OSBPL3: variants seen among roughly 807,000 people sequenced by gnomAD.
The protein encoded by OSBPL3 is oxysterol binding protein like 3.
Under a neutral mutation model 120.1 loss-of-function variants are expected in OSBPL3, and 65 were observed. The ratio of observed to expected loss-of-function variants is 0.54; its 90% CI spans 0.44 to 0.67. OSBPL3 has a LOEUF of 0.67. Among genes scored for constraint, OSBPL3 ranks in the 30% least tolerant of loss-of-function variants. The pLI, the probability that OSBPL3 is intolerant of heterozygous loss-of-function variation, is 0.00. For missense variants in OSBPL3, 1,004 were observed against 1,082.1 expected, an observed-to-expected ratio of 0.93 and a Z score of 1.01; for synonymous variants, 416 against 402.6, an observed-to-expected ratio of 1.03 and a Z score of -0.40.
At position 24,922,246 on chromosome 7, in the gene OSBPL3, A is replaced by T. The variant is rs1810479374; in HGVS notation, c.-149-29625T>A. On this transcript the variant is annotated intron_variant, in intron 1 of 22. Coordinates refer to ENST00000313367, the MANE Select transcript of OSBPL3 (RefSeq NM_015550.4). This position sits in a 1 kb window ranked among gnomAD's most constrained non-coding sequence, Gnocchi z 4.3. ...AAACTACAAGCACTGTACTATCTGG[A>T]CTGTGTTACAAAAAGTCCTAGAAGG... 6.6e-6 allele frequency among the ~76,000 whole-genome samples: 1 copy of T among 152,220 alleles called. No individual in the cohort carries two copies. The highest frequency in any genetic ancestry group is 2.4e-5 in the African/African-American group (1 of 41,462).
At chr7:24,861,468 G>C in intron 10 of OSBPL3, 145 bp downstream of exon 10, 1 of 534,812 alleles carries the variant, frequency 1.9e-6, no homozygotes, top group Admixed American at 3.0e-5. Context: ...CACTACTAGG[G>C]AAATAAAATA....
In OSBPL3 at chr7:24,870,519, G is replaced by A. The variant is rs148753127; in HGVS notation, c.381+213C>T. 7.9e-5 allele frequency among the ~76,000 whole-genome samples: 12 copies of A among 152,308 alleles called. No individual in the cohort carries two copies. The East Asian group carries it at 2.1e-3, about 27-fold the overall frequency. On this transcript the variant is annotated intron_variant, in intron 5 of 22. Coordinates refer to ENST00000313367, the MANE Select transcript of OSBPL3 (RefSeq NM_015550.4). ...ACTGGGGGCAGGTTCGTATCTAGGGGATGAGGCGACCAGCAGGCTAAACCC... is the reference window on the plus strand; with the variant it reads ...ACTGGGGGCAGGTTCGTATCTAGGGAATGAGGCGACCAGCAGGCTAAACCC...
At chr7:24,911,901 G>T (rs548087185) in intron 1 of OSBPL3, among the ~76,000 whole-genome samples, 1 of 152,294 alleles carries the variant, frequency 6.6e-6, no homozygotes, top group African/African-American at 2.4e-5. Flanking sequence ...AAGGTGGGGT[G>T]GTTACTGGTA....
chr7:24,926,514 C>G (rs1421095226), intron 1 of OSBPL3, among the ~76,000 whole-genome samples: 1 of 152,178 alleles, frequency 6.6e-6, no homozygotes. Flanking sequence ...GGCTCAATTA[C>G]CCCCACTTTT....
Position 24,798,155 on chromosome 7 carries a change from G to C in OSBPL3, c.*2028C>G, listed in dbSNP as rs951717236. 3 of 152,130 alleles carry C rather than the reference G, an allele frequency of 2.0e-5. No individual in the cohort carries two copies. The highest frequency in any genetic ancestry group is 4.4e-5 in the Non-Finnish European group (3 of 68,020). 9.4% of individuals were successfully genotyped at this position (152,130 alleles called of 1,614,324 possible). A position where few individuals can be genotyped will look rare whatever the true frequency, so the allele number is the denominator to read the frequency against. The stretch of plus-strand genomic sequence containing the variant: ...TAATGTTTCATCCAGTTGTCCCTGG[G>C]ACTCTAAAATAAAGCATAAGGGCAA... On this transcript the variant is annotated 3_prime_UTR_variant, in exon 23 of 23. Transcript: ENST00000313367. The surrounding 1 kb of genome is among the most constrained non-coding windows in gnomAD (Gnocchi z 4.6).
At position 24,811,922 on chromosome 7, in the gene OSBPL3, G is replaced by T. The variant is rs377585642; in HGVS notation, c.2173-1971C>A. Among the ~76,000 whole-genome samples, 31 of 152,276 alleles carry T rather than the reference G, an allele frequency of 2.0e-4. 1 individual carries two copies. The highest frequency in any genetic ancestry group is 7.8e-4 in the Admixed American group (12 of 15,302). On this transcript the variant is annotated intron_variant, in intron 19 of 22. Transcript: ENST00000313367. ...ATACCTTTAGTTATTTAATAAAAAT[G>T]AATGGTTAACTATCTGCAGTTTGTA...
chr7:24,876,479 A>G (rs895145210), intron 2 of OSBPL3, among the ~76,000 whole-genome samples: 15 of 151,732 alleles, frequency 9.9e-5, no homozygotes, highest in Middle Eastern at 3.4e-3. Context: ...TTTTTTCCCA[A>G]GCTATCACAG....
intron 10 of OSBPL3, among the ~76,000 whole-genome samples, chr7:24,860,565 C>T (rs151106347): frequency 0.023 from 3,449 of 152,266 alleles, 75 homozygotes; most frequent in African/African-American, 0.056. Context: ...GATTGTGAGG[C>T]CTCCCCAGCC....
At chr7:24,927,957 T>C (rs749885844) in intron 1 of OSBPL3, among the ~76,000 whole-genome samples, 30 of 152,100 alleles carry the variant, frequency 2.0e-4, no homozygotes, top group East Asian at 7.7e-4. Context: ...TGGGAGGTGA[T>C]TGGATCATGG....
In OSBPL3 at chr7:24,938,222, T is replaced by C. The variant is rs553175492; in HGVS notation, c.-150+41664A>G. On this transcript the variant is annotated intron_variant, in intron 1 of 22. Transcript: ENST00000313367. This position sits in a 1 kb window ranked among gnomAD's most constrained non-coding sequence, Gnocchi z 5.8. ...CCCCTTTGCATGGGATTAATACCCT[T>C]ATGAAAGAGAGCCCAGAGAGCTGTC... 1.3e-5 allele frequency among the ~76,000 whole-genome samples: 2 copies of C among 152,278 alleles called. No homozygotes were observed. Among genetic ancestry groups the C allele is most frequent in the East Asian group, 1.9e-4 (1 of 5,174 alleles).
rs1298968783 is a variant in OSBPL3 at position 24,855,658 on chromosome 7, G to A, written c.1028-3024C>T. Among the ~76,000 whole-genome samples, 1 of 152,176 alleles carries A rather than the reference G, an allele frequency of 6.6e-6. No homozygotes were observed. The highest frequency in any genetic ancestry group is 1.5e-5 in the Non-Finnish European group (1 of 68,026). On this transcript the variant is annotated intron_variant, in intron 10 of 22. Transcript: ENST00000313367. The surrounding 1 kb of genome is among the most constrained non-coding windows in gnomAD (Gnocchi z 4.3). ...TGCCACACACAGGGCAATGATCAGAGGTTGCTCATGAGAGACCACATTTAT... is the reference window on the plus strand; with the variant it reads ...TGCCACACACAGGGCAATGATCAGAAGTTGCTCATGAGAGACCACATTTAT...
Position 24,891,232 on chromosome 7 carries a change from C to T in OSBPL3, c.96+1145G>A, listed in dbSNP as rs1206784300. Reference sequence around the variant, plus strand: ...TTCTTATTTTTTTTTTTTTTAATTCCAGAAGGAACCGATGACAGTGCTGAC... The same window carrying T: ...TTCTTATTTTTTTTTTTTTTAATTCTAGAAGGAACCGATGACAGTGCTGAC... On this transcript the variant is annotated intron_variant, in intron 2 of 22. Coordinates refer to ENST00000313367, the MANE Select transcript of OSBPL3 (RefSeq NM_015550.4). The surrounding 1 kb of genome is among the most constrained non-coding windows in gnomAD (Gnocchi z 4.1). 6.6e-6 allele frequency among the ~76,000 whole-genome samples: 1 copy of T among 150,654 alleles called. No homozygotes were observed. The highest frequency in any genetic ancestry group is 2.4e-5 in the African/African-American group (1 of 40,838).
chr7:24,959,308 C>T lies in OSBPL3; in HGVS notation c.-150+20578G>A, dbSNP rs1324425933. On this transcript the variant is annotated intron_variant, in intron 1 of 22. Coordinates refer to ENST00000313367, the MANE Select transcript of OSBPL3 (RefSeq NM_015550.4). This position sits in a 1 kb window ranked among gnomAD's most constrained non-coding sequence, Gnocchi z 4.3. ...CACAGCAGCACTAATCATAAAAACCCCAAACAGAAAAAAAAACAAATGTTT... is the reference window on the plus strand; with the variant it reads ...CACAGCAGCACTAATCATAAAAACCTCAAACAGAAAAAAAAACAAATGTTT... Among the ~76,000 whole-genome samples the T allele has an allele frequency of 6.6e-6, 1 of 151,748 alleles. No individual in the cohort carries two copies. Among genetic ancestry groups the T allele is most frequent in the Non-Finnish European group, 1.5e-5 (1 of 67,948 alleles).
rs763079383 is a variant in OSBPL3 at position 24,979,979 on chromosome 7, C to G, written c.-243G>C. The G allele has an allele frequency of 5.1e-6, 5 of 985,300 alleles. No homozygotes were observed. The South Asian group carries it at 2.3e-4, about 46-fold the overall frequency. 61.0% of individuals were successfully genotyped at this position (985,300 alleles called of 1,614,324 possible). ...CCGGGAGAAGGCAACCCCGGCTTCT[C>G]CGGTACCCCCGCAACGTGCAGCTGA... On this transcript the variant is annotated 5_prime_UTR_variant, in exon 1 of 23. Transcript: ENST00000313367.
chr7:24,889,144 C>CT (rs1440181730), intron 2 of OSBPL3, among the ~76,000 whole-genome samples: 8 of 152,136 alleles, frequency 5.3e-5, no homozygotes, highest in Non-Finnish European at 1.0e-4. Context: ...GGTGCATATA[C>CT]TTATGCAGTG....
Position 24,861,678 on chromosome 7 carries a change from T to C in OSBPL3, c.962A>G (p.Asp321Gly), listed in dbSNP as rs1183604967. 3 of 1,611,820 alleles carry C rather than the reference T, an allele frequency of 1.9e-6. No individual in the cohort carries two copies. The highest frequency in any genetic ancestry group is 2.5e-6 in the Non-Finnish European group (3 of 1,178,238). ...AAACTCTGATGAGGTTTCAGAGCCATCAGAATAATTTTTCTCTTCTCCAAA... is the reference window on the plus strand; with the variant it reads ...AAACTCTGATGAGGTTTCAGAGCCACCAGAATAATTTTTCTCTTCTCCAAA... Reference protein sequence around the residue: ...LDFGEEKNYSDGSETSSEFSK... With the variant: ...LDFGEEKNYSGGSETSSEFSK... The change falls in exon 10 of 23, where the codon GAT (aspartate) becomes GGT (glycine). Residue 321 changes from aspartate (D) to glycine (G), a missense_variant. Physicochemically the swap from Asp to Gly is moderately conservative, Grantham distance 94 (BLOSUM62 -1). This residue lies in a region of OSBPL3 where 272 missense variants were observed against 248.8 expected (regional missense o/e 1.09). Transcript: ENST00000313367.
At position 24,900,177 on chromosome 7, in the gene OSBPL3, G is replaced by C. The variant is rs1389293807; in HGVS notation, c.-149-7556C>G. ...CCAACAAAATCAGGAACTGAGAGGG[G>C]GACCCTGGGATCTGTTTTTCACAAG... On this transcript the variant is annotated intron_variant, in intron 1 of 22. Coordinates refer to ENST00000313367, the MANE Select transcript of OSBPL3 (RefSeq NM_015550.4). This position sits in a 1 kb window ranked among gnomAD's most constrained non-coding sequence, Gnocchi z 4.5. 6.6e-6 allele frequency among the ~76,000 whole-genome samples: 1 copy of C among 152,136 alleles called. No individual in the cohort carries two copies. The highest frequency in any genetic ancestry group is 2.4e-5 in the African/African-American group (1 of 41,430).
In OSBPL3 at chr7:24,869,772, A is replaced by G. The variant is rs558929457; in HGVS notation, c.381+960T>C. Among the ~76,000 whole-genome samples, 17 of 152,330 alleles carry G rather than the reference A, an allele frequency of 1.1e-4. No homozygotes were observed. In the South Asian group the frequency reaches 3.3e-3, roughly 30 times the overall value. ...GACTGTCTTGCCCATTCAACAAACC[A>G]CAGGTATGTGGCCCACACGGCTCAA... is the stretch of plus-strand genomic sequence containing the variant. On this transcript the variant is annotated intron_variant, in intron 5 of 22. Coordinates refer to ENST00000313367, the MANE Select transcript of OSBPL3 (RefSeq NM_015550.4).
At position 24,877,639 on chromosome 7, in the gene OSBPL3, G is replaced by A. The variant is rs150931681; in HGVS notation, c.97-5570C>T. 4.2e-4 allele frequency among the ~76,000 whole-genome samples: 64 copies of A among 152,274 alleles called. No homozygotes were observed. Among genetic ancestry groups the A allele is most frequent in the African/African-American group, 1.5e-3 (61 of 41,564 alleles). On this transcript the variant is annotated intron_variant, in intron 2 of 22. Coordinates refer to ENST00000313367, the MANE Select transcript of OSBPL3 (RefSeq NM_015550.4). This position sits in a 1 kb window ranked among gnomAD's most constrained non-coding sequence, Gnocchi z 4.8. ...GCAAAGCAAGGGGGGTATCAAAAGA[G>A]TCCCCCAGAACCTTCGGGACATGGG...
Sources: allele counts gnomAD v4.1 joint callset (sites outside exome capture counted in the v4.1 genomes callset), GRCh38; gene constraint gnomAD v4.1.1; regional missense constraint gnomAD v4.1.1; non-coding constraint Gnocchi (gnomAD v3.1); transcripts MANE v1.5; gene names NCBI Gene and HGNC (gene_info 2026-07-23, HGNC 2026-07-21).